Variants in RBFOX1 observed in about 807,000 individuals in gnomAD.
The protein encoded by RBFOX1 is RNA binding protein fox-1 homolog 1.
In RBFOX1, 8 loss-of-function variants were observed where a neutral mutation model predicts 57.7. The observed-to-expected ratio is 0.14, with a 90% confidence interval of 0.08 to 0.25. The LOEUF (loss-of-function observed/expected upper bound fraction) is 0.25, where lower values mean the gene tolerates loss of function less well. Among genes scored for constraint, RBFOX1 ranks in the 10% least tolerant of loss-of-function variants. RBFOX1 has a pLI of 1.00. For synonymous variants in RBFOX1, 326 were observed against 222.4 expected (o/e 1.47, Z -4.15); for missense variants, 611 against 548.5 (o/e 1.11, Z -1.14).
intron 1 of RBFOX1, among the ~76,000 whole-genome samples, chr16:6,257,732 T>C (rs1483997257): frequency 6.6e-6 from 1 of 152,170 alleles, no homozygotes; most frequent in Non-Finnish European, 1.5e-5. Context: ...GCTCCTTCCA[T>C]GTTCCTGAAA....
chr16:5,762,594 A>T (rs540325775), intron 3 of RBFOX1, among the ~76,000 whole-genome samples: 1 of 152,334 alleles, frequency 6.6e-6, no homozygotes, highest in South Asian at 2.1e-4. Context: ...GTGTTCGCAA[A>T]CTTAGCCGCA....
intron 1 of RBFOX1, among the ~76,000 whole-genome samples, chr16:6,295,133 G>T (rs1215788855): frequency 7.8e-6 from 1 of 127,448 alleles, no homozygotes; most frequent in African/African-American, 2.9e-5. Flanking sequence ...TTTTGAGACG[G>T]GGTATCTCTC....
At chr16:6,113,414 G>A (rs2096466062) in intron 1 of RBFOX1, among the ~76,000 whole-genome samples, 1 of 152,128 alleles carries the variant, frequency 6.6e-6, no homozygotes, top group South Asian at 2.1e-4. Context: ...GAAGTAAAGA[G>A]CCAGAAGAAC....
chr16:6,774,192 C>T lies in RBFOX1; in HGVS notation c.-16+119542C>T, dbSNP rs542443139. Among the ~76,000 whole-genome samples the T allele has an allele frequency of 3.0e-4, 45 of 152,198 alleles. 1 individual carries two copies. The South Asian group carries it at 9.3e-3, about 32-fold the overall frequency. ...TCCAGTGTCTCTGTAACTGAGATTG[C>T]CTGTTATTAGTAGGTTTCTCTGTCT... On this transcript the variant is annotated intron_variant, in intron 3 of 15. Coordinates refer to ENST00000550418, the MANE Select transcript of RBFOX1 (RefSeq NM_018723.4).
At chr16:5,557,233 CG>C (rs1322367864) in intron 2 of RBFOX1, among the ~76,000 whole-genome samples, 2 of 151,254 alleles carry the variant, frequency 1.3e-5, no homozygotes, top group African/African-American at 4.9e-5. Flanking sequence ...GCACTCCAGC[CG>C]GGGTGACAGA....
At chr16:6,782,639 G>A (rs902537843) in intron 3 of RBFOX1, among the ~76,000 whole-genome samples, 5 of 151,972 alleles carry the variant, frequency 3.3e-5, no homozygotes, top group Non-Finnish European at 5.9e-5. Flanking sequence ...CTTGTGTTTC[G>A]GCCTAACATA....
chr16:5,715,539 ATC>A (rs1263545060), intron 3 of RBFOX1, among the ~76,000 whole-genome samples: 7 of 152,254 alleles, frequency 4.6e-5, no homozygotes, highest in Admixed American at 4.6e-4. Context: ...CAGTTGACTG[ATC>A]TCTCTCTTTT....
chr16:7,462,379 C>T (rs997814609), intron 4 of RBFOX1, among the ~76,000 whole-genome samples: 10 of 152,172 alleles, frequency 6.6e-5, no homozygotes, highest in African/African-American at 2.4e-4. Context: ...CCTTTAATCC[C>T]AGCTACTCAG....
intron 4 of RBFOX1, among the ~76,000 whole-genome samples, chr16:7,364,781 T>C (rs1238538248): frequency 6.6e-6 from 1 of 152,164 alleles, no homozygotes; most frequent in Non-Finnish European, 1.5e-5. Context: ...GGTAATCTGT[T>C]GGAAGAAGTC....
intron 3 of RBFOX1, among the ~76,000 whole-genome samples, chr16:5,655,419 T>C (rs2049393338): frequency 6.6e-6 from 1 of 152,276 alleles, no homozygotes; most frequent in African/African-American, 2.4e-5. Flanking sequence ...TGGAGGTCAA[T>C]TGAGGCTTTT....
intron 1 of RBFOX1, among the ~76,000 whole-genome samples, chr16:6,219,936 A>G (rs2152876288): frequency 6.6e-6 from 1 of 152,296 alleles, no homozygotes; most frequent in East Asian, 1.9e-4. Flanking sequence ...GTGATAATAC[A>G]TGAAAAGCTC....
At chr16:5,742,814 C>G (rs1333994251) in intron 3 of RBFOX1, among the ~76,000 whole-genome samples, 2 of 152,166 alleles carry the variant, frequency 1.3e-5, no homozygotes, top group African/African-American at 2.4e-5. Flanking sequence ...TAAAGGTAAG[C>G]TAGCCTGAAA....
At chr16:7,421,411 C>G (rs944875251) in intron 4 of RBFOX1, among the ~76,000 whole-genome samples, 3 of 152,146 alleles carry the variant, frequency 2.0e-5, no homozygotes, top group Middle Eastern at 3.2e-3. Flanking sequence ...TGTTTATATT[C>G]AGGCACCCAT....
At chr16:5,821,021 C>T (rs1228985503) in intron 3 of RBFOX1, among the ~76,000 whole-genome samples, 2 of 152,120 alleles carry the variant, frequency 1.3e-5, no homozygotes, top group Non-Finnish European at 2.9e-5. Flanking sequence ...CCTCAAGTGC[C>T]TGATTTTCCC....
chr16:7,303,646 C>G (rs1422765063), intron 4 of RBFOX1, among the ~76,000 whole-genome samples: 1 of 152,150 alleles, frequency 6.6e-6, no homozygotes, highest in Non-Finnish European at 1.5e-5. Context: ...TTCCCCTGGA[C>G]CCATTTGACA....
At chr16:6,911,485 A>G (rs1300896259) in intron 3 of RBFOX1, among the ~76,000 whole-genome samples, 1 of 152,090 alleles carries the variant, frequency 6.6e-6, no homozygotes. Flanking sequence ...CTTCACCTGC[A>G]TGTGTTCTCC....
chr16:7,310,172 G>A (rs2096276560), intron 4 of RBFOX1, among the ~76,000 whole-genome samples: 1 of 152,190 alleles, frequency 6.6e-6, no homozygotes, highest in African/African-American at 2.4e-5. Context: ...CTAGCCAAAT[G>A]AGCAATGGAC....
At chr16:7,050,848 G>A (rs1003375182) in intron 3 of RBFOX1, among the ~76,000 whole-genome samples, 1 of 151,944 alleles carries the variant, frequency 6.6e-6, no homozygotes, top group Admixed American at 6.6e-5. Context: ...ACATTTGTGT[G>A]CCTCTGCATA....
chr16:6,284,865 C>A (rs2076740804), intron 1 of RBFOX1, among the ~76,000 whole-genome samples: 2 of 152,098 alleles, frequency 1.3e-5, no homozygotes, highest in Non-Finnish European at 2.9e-5. Flanking sequence ...TTGTTCTTCT[C>A]ATTAAAGGCT....
Sources: allele counts gnomAD v4.1 joint callset (sites outside exome capture counted in the v4.1 genomes callset), GRCh38; gene constraint gnomAD v4.1.1; transcripts MANE v1.5; gene names NCBI Gene and HGNC (gene_info 2026-07-23, HGNC 2026-07-21).